The following PCDH15 variants were observed in gnomAD, a reference collection of about 807,000 sequenced individuals.
The protein encoded by PCDH15 is protocadherin related 15, also known as protocadherin-15.
In PCDH15, 129 loss-of-function variants were observed where a neutral mutation model predicts 178.5. The ratio of observed to expected loss-of-function variants is 0.72; its 90% CI spans 0.63 to 0.84. The LOEUF (loss-of-function observed/expected upper bound fraction) is 0.84, where lower values mean the gene tolerates loss of function less well. PCDH15 is among the 40% of genes least tolerant of loss of function. PCDH15 has a pLI of 0.00. For synonymous variants in PCDH15, 800 were observed against 732.0 expected (o/e 1.09, Z -1.50); for missense variants, 2,230 against 2,099.9 (o/e 1.06, Z -1.21).
intron 2 of PCDH15, among the ~76,000 whole-genome samples, chr10:54,947,016 A>G (rs1838215064): frequency 6.6e-6 from 1 of 151,942 alleles, no homozygotes; most frequent in African/African-American, 2.4e-5. Flanking sequence ...TGTTAATTTA[A>G]TGACTATTGC....
chr10:55,439,649 G>T (rs1839133963), intron 2 of PCDH15, among the ~76,000 whole-genome samples: 2 of 151,700 alleles, frequency 1.3e-5, no homozygotes, highest in African/African-American at 2.4e-5. Context: ...ACTTAATATG[G>T]TGACAAAATA....
intron 2 of PCDH15, among the ~76,000 whole-genome samples, chr10:55,108,589 T>G (rs1246343212): frequency 6.6e-6 from 1 of 152,302 alleles, no homozygotes; most frequent in South Asian, 2.1e-4. Context: ...TTCTAAAATA[T>G]ACTTTTCTGT....
At chr10:53,816,327 G>T (rs1160832006) in intron 34 of PCDH15, 50 bp from the exon 35 acceptor site, 2 of 398,376 alleles carry the variant, frequency 5.0e-6, no homozygotes, top group South Asian at 1.3e-4. Context: ...AATTCAGATG[G>T]GAAAGGTAGA....
intron 3 of PCDH15, among the ~76,000 whole-genome samples, chr10:54,419,888 GA>G (rs1337449076): frequency 6.6e-6 from 1 of 152,052 alleles, no homozygotes; most frequent in Admixed American, 6.6e-5. Context: ...AGAAAATGCA[GA>G]AAAGCTCTCC....
At chr10:54,404,864 A>G (rs1468029575) in intron 3 of PCDH15, among the ~76,000 whole-genome samples, 1 of 152,166 alleles carries the variant, frequency 6.6e-6, no homozygotes, top group Non-Finnish European at 1.5e-5. Context: ...AAAACAAAAC[A>G]TACATATGAG....
chr10:54,986,344 GA>G (rs5785106), intron 2 of PCDH15, among the ~76,000 whole-genome samples: 15 of 148,242 alleles, frequency 1.0e-4, no homozygotes, highest in South Asian at 6.4e-4. Context: ...ACAGGATTGA[GA>G]AAAAAAAAAT....
intron 2 of PCDH15, among the ~76,000 whole-genome samples, chr10:54,574,968 C>A (rs2090294365): frequency 1.3e-5 from 2 of 148,156 alleles, no homozygotes; most frequent in South Asian, 2.2e-4. Flanking sequence ...TACTATGCAG[C>A]CATAAAAAAT....
At position 55,370,963 on chromosome 10, in the gene PCDH15, T is replaced by C. The variant is rs942418621; in HGVS notation, c.-155-204312A>G. On this transcript the variant is annotated intron_variant, in intron 2 of 5. Coordinates refer to the PCDH15 transcript ENST00000613346. ...CTTTGAGGTTGCATCTGAATTTGGG[T>C]GTGTGACAACAGAGAAAAGCTAGTA... Among the ~76,000 whole-genome samples, 4 of 152,104 alleles carry C rather than the reference T, an allele frequency of 2.6e-5. No homozygotes were observed. The East Asian group carries it at 7.7e-4, about 29-fold the overall frequency.
At chr10:55,503,787 A>G (rs1208235794) in intron 2 of PCDH15, among the ~76,000 whole-genome samples, 3 of 151,508 alleles carry the variant, frequency 2.0e-5, no homozygotes, top group Non-Finnish European at 4.4e-5. Context: ...CTTGTCAAGG[A>G]GTAAAAGGAA....
At chr10:55,194,312 G>C (rs889565703) in intron 1 of PCDH15, among the ~76,000 whole-genome samples, 7 of 151,956 alleles carry the variant, frequency 4.6e-5, no homozygotes, top group African/African-American at 1.5e-4. Context: ...GAGTATGACA[G>C]GTATGTTAAA....
At chr10:54,317,729 G>A (rs1017896300) in intron 7 of PCDH15, among the ~76,000 whole-genome samples, 36 of 151,820 alleles carry the variant, frequency 2.4e-4, no homozygotes, top group African/African-American at 7.5e-4. Context: ...CCAAGATCAC[G>A]CCACTGCACT....
At chr10:54,435,354 T>C (rs1281462141) in intron 3 of PCDH15, among the ~76,000 whole-genome samples, 3 of 152,212 alleles carry the variant, frequency 2.0e-5, no homozygotes, top group Admixed American at 6.5e-5. Context: ...AACTGAAATA[T>C]TCCTTCTTTG....
At chr10:54,739,561 CG>C (rs1352970080) in intron 1 of PCDH15, among the ~76,000 whole-genome samples, 6 of 135,152 alleles carry the variant, frequency 4.4e-5, no homozygotes, top group African/African-American at 1.1e-4. Flanking sequence ...TTCACAAAAT[CG>C]AAAAAAAAAA....
At chr10:54,906,165 GA>G (rs900922561) in intron 2 of PCDH15, among the ~76,000 whole-genome samples, 9 of 152,024 alleles carry the variant, frequency 5.9e-5, no homozygotes, top group Admixed American at 5.9e-4. Flanking sequence ...TTCCTAGGTA[GA>G]AAAGAATCCA....
At chr10:54,548,602 T>C (rs2086156135) in intron 2 of PCDH15, among the ~76,000 whole-genome samples, 1 of 135,628 alleles carries the variant, frequency 7.4e-6, no homozygotes, top group Admixed American at 8.4e-5. Flanking sequence ...ATTTATATTA[T>C]ATATTTAATA....
At chr10:54,405,683 A>G (rs1952563331) in intron 3 of PCDH15, among the ~76,000 whole-genome samples, 2 of 151,808 alleles carry the variant, frequency 1.3e-5, no homozygotes, top group South Asian at 4.1e-4. Context: ...CCTGAACATA[A>G]AATAAAAGTT....
At chr10:55,582,628 A>ATATATATATTTTTTTTTTT (rs780312007) in intron 2 of PCDH15, among the ~76,000 whole-genome samples, 1 of 69,032 alleles carries the variant, frequency 1.4e-5, no homozygotes, top group African/African-American at 6.6e-5. Context: ...ATATATATAT[A>ATATATATATTTTTTTTTTT]TTTTTTTTTT....
At chr10:54,613,972 A>G (rs2093049131) in intron 2 of PCDH15, among the ~76,000 whole-genome samples, 1 of 151,958 alleles carries the variant, frequency 6.6e-6, no homozygotes, top group Admixed American at 6.6e-5. Context: ...TTTTCCATTG[A>G]ATAGTTTATT....
chr10:54,954,117 T>C (rs1274561951), intron 2 of PCDH15, among the ~76,000 whole-genome samples: 1 of 151,298 alleles, frequency 6.6e-6, no homozygotes, highest in Non-Finnish European at 1.5e-5. Flanking sequence ...TTAAAATCTC[T>C]GAATCGTGTC....
Sources: gnomAD v4.1 joint callset for allele counts (sites outside exome capture counted in the v4.1 genomes callset) on GRCh38, gnomAD v4.1.1 for gene constraint, MANE v1.5 for transcripts, NCBI Gene and HGNC (gene_info 2026-07-23, HGNC 2026-07-21) for gene names.